Variants in SH3GLB2 observed in about 807,000 individuals in gnomAD.
The protein encoded by SH3GLB2 is endophilin-B2.
A neutral mutation model predicts 48.0 loss-of-function variants in SH3GLB2; 24 were observed. That is an observed-to-expected ratio of 0.50 (90% CI 0.36 to 0.70). The LOEUF (loss-of-function observed/expected upper bound fraction) is 0.70, where lower values mean the gene tolerates loss of function less well. SH3GLB2 is among the 30% of genes least tolerant of loss of function. The pLI, the probability that SH3GLB2 is intolerant of heterozygous loss-of-function variation, is 0.00. For missense variants in SH3GLB2, 425 were observed against 516.0 expected (o/e 0.82, Z 1.71); for synonymous variants, 227 against 207.6 (o/e 1.09, Z -0.80).
intron 9 of SH3GLB2, 27 bp from the exon 10 acceptor site, chr9:129,009,373 G>C: frequency 5.8e-6 from 9 of 1,550,960 alleles, no homozygotes; most frequent in Non-Finnish European, 7.8e-6. Context: ...CATCTTAGCA[G>C]GTGGGAGTCC....
At chr9:129,018,370 G>A (rs940636643) in intron 3 of SH3GLB2, among the ~76,000 whole-genome samples, 2 of 151,996 alleles carry the variant, frequency 1.3e-5, no homozygotes, top group Non-Finnish European at 2.9e-5. Context: ...AAGGTCAGGA[G>A]TTCAAGACCA....
At position 129,021,071 on chromosome 9, in the gene SH3GLB2, T is replaced by C. The variant is rs765675173; in HGVS notation, c.334+20A>G. 4.5e-6 allele frequency: 7 copies of C among 1,569,176 alleles called. No individual in the cohort carries two copies. The highest frequency in any genetic ancestry group is 1.2e-5 in the South Asian group (1 of 85,660). ...GCTAAAGACCATGACCCCTAGTCCC[T>C]GGCTGTGAGGCCTGCTCACCATAGG... On this transcript the variant is annotated intron_variant, in intron 3 of 10. Transcript: ENST00000372564.
chr9:129,018,911 T>C (rs1032071254), intron 3 of SH3GLB2, among the ~76,000 whole-genome samples: 1 of 149,482 alleles, frequency 6.7e-6, no homozygotes, highest in Non-Finnish European at 1.5e-5. Context: ...AAAAAAATTA[T>C]GTTAGGTAAA....
intron 3 of SH3GLB2, among the ~76,000 whole-genome samples, chr9:129,020,430 G>A (rs1389268903): frequency 5.9e-5 from 9 of 151,566 alleles, no homozygotes; most frequent in Admixed American, 4.6e-4. Flanking sequence ...TTAGCTGGGT[G>A]TGGTGGCGGG....
intron 1 of SH3GLB2, among the ~76,000 whole-genome samples, chr9:129,022,805 C>T (rs960050431): frequency 2.0e-5 from 3 of 152,094 alleles, no homozygotes; most frequent in Non-Finnish European, 2.9e-5. Flanking sequence ...AGAAAGTACT[C>T]GGGACAAACA....
intron 2 of SH3GLB2, among the ~76,000 whole-genome samples, chr9:129,021,679 A>G (rs1349596775): frequency 1.3e-5 from 2 of 151,368 alleles, no homozygotes; most frequent in African/African-American, 4.9e-5. Flanking sequence ...CCAGGTTGGG[A>G]CGGACACGGT....
intron 5 of SH3GLB2, chr9:129,012,659 C>G (rs994593225): frequency 2.1e-6 from 1 of 472,354 alleles, no homozygotes; most frequent in African/African-American, 1.9e-5. Flanking sequence ...CCCAGGGTCC[C>G]GCAAACACAG....
At chr9:129,024,256 CAAAAAAAAAA>C (rs1169096733) in intron 1 of SH3GLB2, among the ~76,000 whole-genome samples, 2 of 54,520 alleles carry the variant, frequency 3.7e-5, no homozygotes, top group Non-Finnish European at 6.5e-5. Flanking sequence ...CTCCTCTCTA[CAAAAAAAAAA>C]AAAAAAAAAA....
At chr9:129,012,597 C>G in intron 5 of SH3GLB2, 1 of 423,398 alleles carries the variant, frequency 2.4e-6, no homozygotes, top group Middle Eastern at 6.0e-4. Flanking sequence ...CTGGGCTCTC[C>G]CCTGCCAGGG....
In SH3GLB2 at chr9:129,008,365, C is replaced by T. The variant is rs543044970; in HGVS notation, c.*319G>A. On this transcript the variant is annotated 3_prime_UTR_variant, in exon 11 of 11. Transcript: ENST00000372564. ...TGGGGCTTCCTGAGCCCATCTGCGG[C>T]GGCCCCACCCTGGCCTAGGTGCTGA... 2.2e-5 allele frequency: 7 copies of T among 319,710 alleles called. No homozygotes were observed. The highest frequency in any genetic ancestry group is 1.5e-4 in the East Asian group (2 of 12,928). The allele number at this position is 319,710 out of a possible 1,614,324, so 19.8% of individuals were successfully genotyped here.
chr9:129,021,003 T>C (rs1030542173), intron 3 of SH3GLB2, 88 bp downstream of exon 3: 15 of 1,296,826 alleles, frequency 1.2e-5, no homozygotes, highest in Middle Eastern at 2.8e-4. Flanking sequence ...TGTATAATTA[T>C]TTTTTTAAGT....
Sources: allele counts gnomAD v4.1 joint callset (sites outside exome capture counted in the v4.1 genomes callset), GRCh38; gene constraint gnomAD v4.1.1; transcripts MANE v1.5; gene names NCBI Gene and HGNC (gene_info 2026-07-23, HGNC 2026-07-21).